The following DDX17 variants were observed in gnomAD, a reference collection of about 807,000 sequenced individuals.
The protein encoded by DDX17 is DEAD-box helicase 17.
Under a neutral mutation model 80.8 loss-of-function variants are expected in DDX17, and 10 were observed. The ratio of observed to expected loss-of-function variants is 0.12; its 90% CI spans 0.08 to 0.21. DDX17 has a LOEUF of 0.21. DDX17 is among the 10% of genes least tolerant of loss of function. The pLI is 1.00. For missense variants in DDX17, 586 were observed against 957.4 expected (o/e 0.61, Z 5.12); for synonymous variants, 339 against 336.2 (o/e 1.01, Z -0.09).
At chr22:38,492,812 G>C (rs2145694287) in intron 10 of DDX17, among the ~76,000 whole-genome samples, 1 of 152,200 alleles carries the variant, frequency 6.6e-6, no homozygotes, top group African/African-American at 2.4e-5. Context: ...ACAAAATATG[G>C]CCTCTTCCAT....
At chr22:38,501,782 TTAGGTACCAAGTTAC>T (rs770446639) in intron 1 of DDX17, among the ~76,000 whole-genome samples, 131 of 152,384 alleles carry the variant, frequency 8.6e-4, no homozygotes, top group Non-Finnish European at 1.4e-3. Flanking sequence ...CAAATAGTTA[TTAGGTACCAAGTTAC>T]TAGGTACCAA....
chr22:38,501,368 C>G (rs1053774939), intron 1 of DDX17, 88 bp from the exon 2 acceptor site: 2 of 1,424,974 alleles, frequency 1.4e-6, no homozygotes, highest in Non-Finnish European at 9.3e-7. Context: ...GGATGGAGTT[C>G]TAGGGATACT....
At chr22:38,490,209 GC>G (rs1416746258) in intron 11 of DDX17, 2 of 1,206,014 alleles carry the variant, frequency 1.7e-6, no homozygotes, top group African/African-American at 3.2e-5. Flanking sequence ...TTATCTTGCT[GC>G]CTTTCTAGAA....
Position 38,486,203 on chromosome 22 carries a change from C to A in DDX17, c.1922G>T (p.Gly641Val). ...GCTACTGGTGCCATAAGCAGCTGCC[C>A]CATAGGTGCCTTGACCATAGGTGTA... Residue 641 changes from glycine to valine, a missense_variant, in exon 13 of 13, where the codon GGG becomes GTG. Physicochemically the swap from Gly to Val is moderately radical, Grantham distance 109. Coordinates refer to ENST00000403230, the MANE Select transcript of DDX17 (RefSeq NM_006386.5). The A allele has an allele frequency of 6.2e-7, 1 of 1,613,950 alleles. No individual in the cohort carries two copies. Among genetic ancestry groups the A allele is most frequent in the Non-Finnish European group, 8.5e-7 (1 of 1,179,820 alleles).
chr22:38,501,295 TTTAG>T lies in DDX17; in HGVS notation c.288-19_288-16del, dbSNP rs753309627. On this transcript the variant is annotated splice_polypyrimidine_tract_variant and intron_variant, in intron 1 of 12. Coordinates refer to ENST00000403230, the MANE Select transcript of DDX17 (RefSeq NM_006386.5). ...TTGCTCCAAATCTAGGAACAGAATT[TTTAG>T]TTAGTTCATCAGTATTTTTAAAGCA... The T allele has an allele frequency of 3.1e-6, 5 of 1,599,872 alleles. No individual in the cohort carries two copies. The highest frequency in any genetic ancestry group is 1.4e-5 in the African/African-American group (1 of 73,878).
chr22:38,492,163 C>G (rs375966447), intron 10 of DDX17, 48 bp from the exon 11 acceptor site: 15 of 1,502,056 alleles, frequency 1.0e-5, no homozygotes, highest in Non-Finnish European at 1.4e-5. Flanking sequence ...TCCTTGCTAT[C>G]TGATCTGTTT....
intron 10 of DDX17, 53 bp downstream of exon 10, chr22:38,493,657 A>G (rs901692096): frequency 1.4e-6 from 2 of 1,386,336 alleles, no homozygotes; most frequent in African/African-American, 1.4e-5. Flanking sequence ...ATGAACATTC[A>G]CTTATGGGCA....
intron 2 of DDX17, 47 bp downstream of exon 2, chr22:38,501,083 C>G (rs371322205): frequency 1.3e-6 from 2 of 1,583,734 alleles, no homozygotes; most frequent in Non-Finnish European, 1.7e-6. Context: ...ACCAATATAT[C>G]TACTTGGTTC....
rs2089638517 is a variant in DDX17, at chr22:38,484,809, A to G, written c.*1126T>C. On this transcript the variant is annotated 3_prime_UTR_variant, in exon 13 of 13. Transcript: ENST00000403230. ...AGCTGAGTGCAAAAGGATGCCGAAG[A>G]AAATCTGCACCCAGAAGCTGTTAGA... 6.6e-6 allele frequency: 1 copy of G among 152,270 alleles called. No individual in the cohort carries two copies. The highest frequency in any genetic ancestry group is 6.5e-5 in the Admixed American group (1 of 15,288). The allele number at this position is 152,270 out of a possible 1,614,324, so 9.4% of individuals were successfully genotyped here.
intron 12 of DDX17, among the ~76,000 whole-genome samples, chr22:38,486,959 G>A (rs2089665646): frequency 6.6e-6 from 1 of 152,170 alleles, no homozygotes; most frequent in Non-Finnish European, 1.5e-5. Flanking sequence ...GGTCACTTGA[G>A]GTCAGCAGTT....
At chr22:38,495,997 A>AAG (rs1555925775) in intron 5 of DDX17, 60 bp from the exon 6 acceptor site, 19 of 1,376,108 alleles carry the variant, frequency 1.4e-5, no homozygotes, top group South Asian at 1.7e-5. Context: ...AAAAAAAAAA[A>AAG]AAGAAGAAAC....
intron 5 of DDX17, among the ~76,000 whole-genome samples, chr22:38,497,288 A>C (rs2089778255): frequency 1.0e-5 from 1 of 96,396 alleles, no homozygotes; most frequent in African/African-American, 4.4e-5. Flanking sequence ...CAAGAGCGAA[A>C]CTCCATCTCA....
intron 4 of DDX17, 106 bp downstream of exon 4, chr22:38,498,334 T>C (rs1452545540): frequency 6.7e-7 from 1 of 1,493,194 alleles, no homozygotes; most frequent in East Asian, 2.3e-5. Flanking sequence ...TAAAATAGTA[T>C]CTAACTATCT....
rs753475889 is a variant in DDX17, at chr22:38,506,278, G to T, written c.-41C>A. The T allele has an allele frequency of 5.9e-6, 9 of 1,537,180 alleles. No individual in the cohort carries two copies. Among genetic ancestry groups the T allele is most frequent in the Non-Finnish European group, 7.9e-6 (9 of 1,146,366 alleles). On this transcript the variant is annotated 5_prime_UTR_variant, in exon 1 of 13. Transcript: ENST00000403230. Reference sequence around the variant, plus strand: ...AACCGGGCAGTGCCGCGGTTTAGGCGTCTCCTTCCTTCCCAGCGACTGCAC... The same window carrying T: ...AACCGGGCAGTGCCGCGGTTTAGGCTTCTCCTTCCTTCCCAGCGACTGCAC...
Position 38,501,267 on chromosome 22 carries a change from C to T in DDX17, c.301G>A (p.Gly101Ser). Residue 101 changes from glycine to serine, a missense_variant, in exon 2 of 13, where the codon GGT (glycine) becomes AGT (serine). Physicochemically the swap from Gly to Ser is moderately conservative, Grantham distance 56 (BLOSUM62 0). Coordinates refer to ENST00000403230, the MANE Select transcript of DDX17 (RefSeq NM_006386.5). Reference sequence around the variant, plus strand: ...TTCTTCGGGGGAAGGCCACCACCACCTCTTGCTCCAAATCTAGGAACAGAA... The same window carrying T: ...TTCTTCGGGGGAAGGCCACCACCACTTCTTGCTCCAAATCTAGGAACAGAA... 5.0e-6 allele frequency: 8 copies of T among 1,608,486 alleles called. No homozygotes were observed. The highest frequency in any genetic ancestry group is 6.8e-6 in the Non-Finnish European group (8 of 1,177,950).
chr22:38,494,895 G>A lies in DDX17; in HGVS notation c.1032C>T (p.Asp344=), dbSNP rs754208862. ...TATTAGCTTTACACACCCTGATTTG[G>A]TCAACAATTTTACGGATCTGGGGTT... Residue 344 remains aspartate (D), a synonymous_variant, in exon 7 of 13, where the codon GAC becomes GAT. Coordinates refer to ENST00000403230, the MANE Select transcript of DDX17 (RefSeq NM_006386.5). The A allele has an allele frequency of 9.3e-6, 15 of 1,614,086 alleles. No homozygotes were observed. The highest frequency in any genetic ancestry group is 1.1e-5 in the South Asian group (1 of 91,078).
Position 38,485,932 on chromosome 22 carries a change from G to A in DDX17, c.*3C>T, listed in dbSNP as rs1197500306. The A allele has an allele frequency of 1.9e-6, 3 of 1,613,646 alleles. No individual in the cohort carries two copies. Among genetic ancestry groups the A allele is most frequent in the Admixed American group, 1.7e-5 (1 of 60,000 alleles). ...TGCTGGAGTCACTACCACTTGAGTG[G>A]TTTCATTTACGTGAAGGAGGAGGAG... On this transcript the variant is annotated 3_prime_UTR_variant, in exon 13 of 13. Coordinates refer to ENST00000403230, the MANE Select transcript of DDX17 (RefSeq NM_006386.5).
chr22:38,506,275 G>C lies in DDX17; in HGVS notation c.-38C>G, dbSNP rs760091175. ...TCAAACCGGGCAGTGCCGCGGTTTA[G>C]GCGTCTCCTTCCTTCCCAGCGACTG... On this transcript the variant is annotated 5_prime_UTR_variant, in exon 1 of 13. Transcript: ENST00000403230. 3 of 1,546,594 alleles carry C rather than the reference G, an allele frequency of 1.9e-6. No individual in the cohort carries two copies. Among genetic ancestry groups the C allele is most frequent in the East Asian group, 2.4e-5 (1 of 42,128 alleles).
intron 1 of DDX17, among the ~76,000 whole-genome samples, chr22:38,504,339 G>GT (rs2089859142): frequency 6.6e-6 from 1 of 152,092 alleles, no homozygotes; most frequent in African/African-American, 2.4e-5. Flanking sequence ...AGACATTTGC[G>GT]TTGTTTCCAA....
Sources: allele counts gnomAD v4.1 joint callset (sites outside exome capture counted in the v4.1 genomes callset), GRCh38; gene constraint gnomAD v4.1.1; transcripts MANE v1.5; gene names NCBI Gene and HGNC (gene_info 2026-07-23, HGNC 2026-07-21).